NNMT: variants seen among roughly 807,000 people sequenced by gnomAD.
NNMT encodes the protein nicotinamide N-methyltransferase.
Under a neutral mutation model 11.7 loss-of-function variants are expected in NNMT, and 10 were observed. That is an observed-to-expected ratio of 0.85 (90% CI 0.53 to 1.45). NNMT has a LOEUF of 1.45. NNMT is among the 40% of genes most tolerant of loss of function. The probability of loss-of-function intolerance (pLI) is 0.00; values close to 1 mark genes in which losing one functional copy is unlikely to be tolerated. For synonymous variants in NNMT, 143 were observed against 133.8 expected, an observed-to-expected ratio of 1.07 and a Z score of -0.48; for missense variants, 381 against 319.4, an observed-to-expected ratio of 1.19 and a Z score of -1.47.
At chr11:114,272,771 AG>A (rs1945181219) in intron 2 of NNMT, among the ~76,000 whole-genome samples, 1 of 152,238 alleles carries the variant, frequency 6.6e-6, no homozygotes, top group African/African-American at 2.4e-5. Context: ...GGTACTAGCC[AG>A]GTTAGACCAT....
chr11:114,266,398 C>T (rs1298387157), intron 2 of NNMT, among the ~76,000 whole-genome samples: 1 of 152,186 alleles, frequency 6.6e-6, no homozygotes, highest in African/African-American at 2.4e-5. Context: ...AATAAACCTG[C>T]CACTGTCTAC....
chr11:114,297,914 G>A (rs1945397686), intron 1 of NNMT, 37 bp from the exon 2 acceptor site: 14 of 1,580,082 alleles, frequency 8.9e-6, no homozygotes, highest in African/African-American at 1.3e-5. Context: ...GCCATGAGAT[G>A]CCTGATCTCT....
upstream of NNMT, chr11:114,295,870 T>G (rs1591835386): frequency 6.6e-6 from 1 of 152,402 alleles, no homozygotes; most frequent in East Asian, 1.9e-4. Context: ...TGCAGTTGCC[T>G]AGGGCAGGGA....
At chr11:114,262,415 CT>C (rs1945090495) in intron 1 of NNMT, among the ~76,000 whole-genome samples, 1 of 152,036 alleles carries the variant, frequency 6.6e-6, no homozygotes, top group Non-Finnish European at 1.5e-5. Flanking sequence ...TCCATGTGTT[CT>C]CATTGTTCAG....
rs749686203 is a variant in NNMT, at chr11:114,312,061, AAGG to A, written c.385_387del (p.Glu129del). On this transcript the variant is annotated inframe_deletion, in exon 3 of 3. Transcript: ENST00000299964. ...GTTTTTCAGAGTCAAGGGTCCAGAG[AAGG>A]AGGAGAAGTTGAGACAGGCGGTCAA... 1.2e-5 allele frequency: 19 copies of A among 1,578,440 alleles called. 1 individual carries two copies. The highest frequency in any genetic ancestry group is 9.0e-5 in the East Asian group (4 of 44,308).
intron 2 of NNMT, among the ~76,000 whole-genome samples, chr11:114,282,227 A>G (rs1355635742): frequency 6.6e-6 from 1 of 152,228 alleles, no homozygotes. Flanking sequence ...CTGTCTCAAC[A>G]AACGAACAAA....
intron 2 of NNMT, among the ~76,000 whole-genome samples, chr11:114,279,489 T>C (rs1945242611): frequency 6.6e-6 from 1 of 152,044 alleles, no homozygotes; most frequent in African/African-American, 2.4e-5. Context: ...GCTAAAAGCA[T>C]GGTGCTGGGG....
At chr11:114,296,396 G>C (rs1367135259), upstream of NNMT, 2 of 661,860 alleles carry the variant, frequency 3.0e-6, no homozygotes. Context: ...CTATTTCTCT[G>C]TTAGTGTTTA....
chr11:114,259,521 G>T (rs1400253310), intron 1 of NNMT, among the ~76,000 whole-genome samples: 1 of 152,172 alleles, frequency 6.6e-6, no homozygotes, highest in African/African-American at 2.4e-5. Flanking sequence ...GAGAGGGGCT[G>T]GGGGGTTGCA....
chr11:114,284,350 C>A (rs917650426), intron 2 of NNMT, among the ~76,000 whole-genome samples: 3 of 152,232 alleles, frequency 2.0e-5, no homozygotes, highest in African/African-American at 7.2e-5. Context: ...GGCCTGGACA[C>A]CTCGTGGCTG....
chr11:114,288,830 C>T (rs1299058465), intron 2 of NNMT, among the ~76,000 whole-genome samples: 1 of 152,112 alleles, frequency 6.6e-6, no homozygotes, highest in Non-Finnish European at 1.5e-5. Context: ...CTTTATTGAC[C>T]AGACAATAAC....
At chr11:114,263,393 A>G (rs550638420) in intron 2 of NNMT, among the ~76,000 whole-genome samples, 1 of 151,986 alleles carries the variant, frequency 6.6e-6, no homozygotes, top group Admixed American at 6.6e-5. Context: ...TTCACCAGAC[A>G]CTCCCTTCTG....
At chr11:114,280,112 A>T (rs951220956) in intron 2 of NNMT, among the ~76,000 whole-genome samples, 1 of 152,238 alleles carries the variant, frequency 6.6e-6, no homozygotes, top group Non-Finnish European at 1.5e-5. Context: ...TTCTGAGGCC[A>T]TGGAGAATGA....
intron 2 of NNMT, among the ~76,000 whole-genome samples, chr11:114,305,252 C>T (rs958019461): frequency 6.6e-6 from 1 of 152,184 alleles, no homozygotes; most frequent in Non-Finnish European, 1.5e-5. Context: ...CAGTTGCAGG[C>T]ATGCTGTCCA....
chr11:114,276,082 C>T (rs759412392), intron 2 of NNMT, among the ~76,000 whole-genome samples: 15 of 152,018 alleles, frequency 9.9e-5, no homozygotes, highest in Non-Finnish European at 2.2e-4. Flanking sequence ...CCGACTGCCT[C>T]GTTTTCTCCC....
chr11:114,258,279 G>A (rs1054681452), intron 1 of NNMT, among the ~76,000 whole-genome samples: 11 of 152,238 alleles, frequency 7.2e-5, no homozygotes, highest in African/African-American at 2.7e-4. Context: ...TGTAGTCCTG[G>A]CTGGGTTCAA....
At chr11:114,279,416 C>T (rs554540275) in intron 2 of NNMT, among the ~76,000 whole-genome samples, 4 of 152,186 alleles carry the variant, frequency 2.6e-5, no homozygotes, top group Non-Finnish European at 4.4e-5. Flanking sequence ...GAAGCTGCAG[C>T]GAAGATGAAT....
chr11:114,280,591 T>G (rs1264424379), intron 2 of NNMT, among the ~76,000 whole-genome samples: 1 of 152,086 alleles, frequency 6.6e-6, no homozygotes, highest in Admixed American at 6.5e-5. Flanking sequence ...ACTCAGACCT[T>G]CAGGGGAAGG....
At chr11:114,302,260 T>C (rs1418743634) in intron 2 of NNMT, among the ~76,000 whole-genome samples, 1 of 152,186 alleles carries the variant, frequency 6.6e-6, no homozygotes, top group African/African-American at 2.4e-5. Context: ...TTTCCCTTGG[T>C]GAATGCAGTA....
Sources: gnomAD v4.1 joint callset for allele counts (sites outside exome capture counted in the v4.1 genomes callset) on GRCh38, gnomAD v4.1.1 for gene constraint, MANE v1.5 for transcripts, NCBI Gene and HGNC (gene_info 2026-07-23, HGNC 2026-07-21) for gene names.